MARCHF1: variants seen among roughly 807,000 people sequenced by gnomAD.
MARCHF1 encodes E3 ubiquitin-protein ligase MARCHF1.
MARCHF1 carries 40 observed loss-of-function variants against 54.2 expected under a neutral mutation model. The observed-to-expected ratio is 0.74, with a 90% CI of 0.57 to 0.96. The LOEUF (loss-of-function observed/expected upper bound fraction) is 0.96. Among genes scored for constraint, MARCHF1 ranks in the 40% least tolerant of loss-of-function variants. The pLI is 0.00. For missense variants in MARCHF1, 586 were observed against 656.5 expected (o/e 0.89, Z 1.17); for synonymous variants, 236 against 236.3 (o/e 1.00, Z 0.01).
chr4:164,239,610 A>C (rs1435766798), intron 1 of MARCHF1, among the ~76,000 whole-genome samples: 1 of 152,128 alleles, frequency 6.6e-6, no homozygotes, highest in East Asian at 1.9e-4. Context: ...ATTCAAACAT[A>C]CTTTGAGCAT....
chr4:164,059,568 G>A (rs1296523054), intron 2 of MARCHF1, among the ~76,000 whole-genome samples: 3 of 152,204 alleles, frequency 2.0e-5, no homozygotes, highest in Admixed American at 6.5e-5. Context: ...AGGAGGCATC[G>A]CAGCTTTTGT....
At chr4:163,877,084 A>T (rs1750305792) in intron 3 of MARCHF1, among the ~76,000 whole-genome samples, 1 of 152,186 alleles carries the variant, frequency 6.6e-6, no homozygotes, top group Non-Finnish European at 1.5e-5. Context: ...TTTCTGAATA[A>T]TAGCTATTAT....
intron 4 of MARCHF1, among the ~76,000 whole-genome samples, chr4:163,817,862 C>CA (rs1748584254): frequency 6.9e-6 from 1 of 144,002 alleles, no homozygotes; most frequent in South Asian, 2.2e-4. Flanking sequence ...ATCGCAAGGA[C>CA]AAAAAACCAA....
intron 8 of MARCHF1, among the ~76,000 whole-genome samples, chr4:163,552,645 T>G (rs962490668): frequency 2.0e-5 from 3 of 152,162 alleles, no homozygotes; most frequent in African/African-American, 7.2e-5. Flanking sequence ...AAGTTCCCTA[T>G]AGACACACTC....
intron 1 of MARCHF1, among the ~76,000 whole-genome samples, chr4:164,334,043 A>T (rs1729656120): frequency 6.6e-6 from 1 of 152,200 alleles, no homozygotes; most frequent in African/African-American, 2.4e-5. Flanking sequence ...GCAGAAGAAA[A>T]GTTGGAAGCT....
intron 3 of MARCHF1, among the ~76,000 whole-genome samples, chr4:163,860,398 A>G (rs1398609333): frequency 2.6e-5 from 4 of 152,182 alleles, no homozygotes; most frequent in African/African-American, 9.6e-5. Flanking sequence ...TAGCAGGGGA[A>G]GAGGATAAGC....
At chr4:164,089,277 T>C (rs902678655) in intron 2 of MARCHF1, among the ~76,000 whole-genome samples, 3 of 152,144 alleles carry the variant, frequency 2.0e-5, no homozygotes, top group Non-Finnish European at 4.4e-5. Flanking sequence ...GGTATACATA[T>C]GAAAGAGTTT....
At chr4:164,378,114 G>A (rs1231280823) in intron 1 of MARCHF1, among the ~76,000 whole-genome samples, 1 of 152,194 alleles carries the variant, frequency 6.6e-6, no homozygotes, top group Non-Finnish European at 1.5e-5. Context: ...GATTACAGAT[G>A]GAAGAAGTAC....
intron 7 of MARCHF1, among the ~76,000 whole-genome samples, chr4:163,591,027 A>G (rs949039866): frequency 6.6e-6 from 1 of 151,692 alleles, no homozygotes. Context: ...TAAGTGATCA[A>G]TTAAGTGACA....
In MARCHF1 at chr4:163,839,968, A is replaced by G. The variant is rs2111126831; in HGVS notation, c.111+14053T>C. Among the ~76,000 whole-genome samples, 2 of 152,288 alleles carry G rather than the reference A, an allele frequency of 1.3e-5. 1 individual carries two copies. Among genetic ancestry groups the G allele is most frequent in the East Asian group, 3.9e-4 (2 of 5,192 alleles). ...TCTTTGGAAAACATGGATCATACCT[A>G]GCAAGAAATATCACAAAAAAAGAGA... On this transcript the variant is annotated intron_variant, in intron 4 of 9. Transcript: ENST00000514618.
intron 1 of MARCHF1, among the ~76,000 whole-genome samples, chr4:164,338,887 G>A (rs1031557702): frequency 2.0e-5 from 3 of 152,038 alleles, no homozygotes; most frequent in Non-Finnish European, 2.9e-5. Flanking sequence ...CAGGAGAATC[G>A]CTTGAACCTG....
chr4:163,553,020 G>C (rs1034504571), intron 8 of MARCHF1, among the ~76,000 whole-genome samples: 2 of 130,906 alleles, frequency 1.5e-5, no homozygotes, highest in East Asian at 4.7e-4. Context: ...GCGACAGAGC[G>C]AGACTCCGTC....
chr4:164,159,356 A>G (rs960366329), intron 1 of MARCHF1, among the ~76,000 whole-genome samples: 30 of 152,164 alleles, frequency 2.0e-4, no homozygotes, highest in Non-Finnish European at 1.6e-4. Flanking sequence ...AATATCATAT[A>G]TAATTTTCTT....
chr4:163,772,787 C>A (rs568256719), intron 4 of MARCHF1, among the ~76,000 whole-genome samples: 2 of 152,340 alleles, frequency 1.3e-5, no homozygotes, highest in Admixed American at 6.5e-5. Context: ...AGCAAGAAAG[C>A]AAAACATTCA....
chr4:163,980,684 C>T (rs915777215), intron 3 of MARCHF1, among the ~76,000 whole-genome samples: 1 of 152,114 alleles, frequency 6.6e-6, no homozygotes, highest in Non-Finnish European at 1.5e-5. Flanking sequence ...TAAGTGTATG[C>T]AGAAATCACT....
At chr4:164,239,221 A>G (rs1362874580) in intron 1 of MARCHF1, among the ~76,000 whole-genome samples, 1 of 152,064 alleles carries the variant, frequency 6.6e-6, no homozygotes, top group African/African-American at 2.4e-5. Flanking sequence ...ATCAAAGAAA[A>G]GTGAATAATC....
intron 1 of MARCHF1, among the ~76,000 whole-genome samples, chr4:164,234,152 T>C (rs1217826248): frequency 6.6e-6 from 1 of 152,116 alleles, no homozygotes; most frequent in Non-Finnish European, 1.5e-5. Flanking sequence ...TATCTAAAAT[T>C]ACTATGAAGG....
rs72997237 is a variant in MARCHF1, at chr4:163,834,647, G to T, written c.111+19374C>A. Among the ~76,000 whole-genome samples, 1,186 of 127,610 alleles carry T rather than the reference G, an allele frequency of 9.3e-3. 25 individuals carry two copies. Among genetic ancestry groups the T allele is most frequent in the African/African-American group, 0.032 (1,048 of 32,764 alleles). The allele number at this position is 127,610 out of a possible 152,430, so 83.7% of individuals were successfully genotyped here. On this transcript the variant is annotated intron_variant, in intron 4 of 9. Transcript: ENST00000514618. ...TCCCCAGAGTGTGATGTTCCCCTTAGGGACATGGATGAAATTGGAAATCAT... is the reference window on the plus strand; with the variant it reads ...TCCCCAGAGTGTGATGTTCCCCTTATGGACATGGATGAAATTGGAAATCAT...
chr4:163,982,307 G>C (rs1205308712), intron 3 of MARCHF1, among the ~76,000 whole-genome samples: 1 of 152,200 alleles, frequency 6.6e-6, no homozygotes, highest in Non-Finnish European at 1.5e-5. Flanking sequence ...TCACCCTGTA[G>C]TGTCAGATTC....
Sources: allele counts gnomAD v4.1 joint callset (sites outside exome capture counted in the v4.1 genomes callset), GRCh38; gene constraint gnomAD v4.1.1; transcripts MANE v1.5; gene names NCBI Gene and HGNC (gene_info 2026-07-23, HGNC 2026-07-21).